KIF24: variants seen among roughly 807,000 people sequenced by gnomAD.
KIF24 encodes the protein kinesin-like protein KIF24.
KIF24 carries 81 observed loss-of-function variants against 118.9 expected under a neutral mutation model. That is an observed-to-expected ratio of 0.68 (90% CI 0.57 to 0.82). The LOEUF (loss-of-function observed/expected upper bound fraction) is 0.82, where lower values mean the gene tolerates loss of function less well. Among genes scored for constraint, KIF24 ranks in the 40% least tolerant of loss-of-function variants. The pLI, the probability that KIF24 is intolerant of heterozygous loss-of-function variation, is 0.00. For synonymous variants in KIF24, 599 were observed against 610.0 expected (o/e 0.98, Z 0.27); for missense variants, 1,560 against 1,661.6 (o/e 0.94, Z 1.06).
chr9:34,255,213 C>A, intron 11 of KIF24, 48 bp from the exon 12 acceptor site: 1 of 1,169,564 alleles, frequency 8.6e-7, no homozygotes, highest in Non-Finnish European at 1.2e-6. Context: ...CTCCCAGCCT[C>A]TCCTGGGTAG....
In KIF24 at chr9:34,271,782, T is replaced by A. The variant is rs777050493; in HGVS notation, c.1337+27A>T. On this transcript the variant is annotated intron_variant, in intron 7 of 12. Transcript: ENST00000402558. The stretch of plus-strand genomic sequence containing the variant: ...GTCACATTAAAGGAAAGGCAGACAA[T>A]GTAACTCCCTGATATTTCCAGCTCA... 2.5e-6 allele frequency: 4 copies of A among 1,611,270 alleles called. No individual in the cohort carries two copies. The South Asian group carries it at 4.4e-5, about 18-fold the overall frequency.
Position 34,318,236 on chromosome 9 carries a change from G to C in KIF24, c.-25-6865C>G, listed in dbSNP as rs893588106. ...ATAATGAACATATAGGTAACCCTCA[G>C]CTATAAGTTGTAAAAGTTACATAGA... On this transcript the variant is annotated intron_variant, in intron 1 of 12. Transcript: ENST00000402558. This position sits in a 1 kb window ranked among gnomAD's most constrained non-coding sequence, Gnocchi z 4.9. Among the ~76,000 whole-genome samples, 8 of 152,174 alleles carry C rather than the reference G, an allele frequency of 5.3e-5. No individual in the cohort carries two copies. The highest frequency in any genetic ancestry group is 8.8e-5 in the Non-Finnish European group (6 of 68,032).
chr9:34,322,405 G>A (rs1024861713), intron 1 of KIF24, among the ~76,000 whole-genome samples: 1 of 151,870 alleles, frequency 6.6e-6, no homozygotes, highest in African/African-American at 2.4e-5. Context: ...AGGTCTCAAT[G>A]TTGCCCAGGC....
intron 6 of KIF24, chr9:34,282,431 C>G (rs2380927): frequency 0.7 from 105,811 of 151,842 alleles, 38,896 homozygotes; most frequent in East Asian, 0.92. Flanking sequence ...AAGTTTTCTG[C>G]AATTAGATAG....
Position 34,258,086 on chromosome 9 carries a change from T to C in KIF24, c.1626-105A>G. 4.7e-6 allele frequency: 4 copies of C among 851,560 alleles called. No homozygotes were observed. In the East Asian group the frequency reaches 7.3e-5, roughly 16 times the overall value. The allele number at this position is 851,560 out of a possible 1,614,324, so 52.8% of individuals were successfully genotyped here. A position where few individuals can be genotyped will look rare whatever the true frequency, so the allele number is the denominator to read the frequency against. On this transcript the variant is annotated intron_variant, in intron 10 of 12. Transcript: ENST00000402558. ...AAACCAAAGAAAAGTATTACAAGGA[T>C]TGGGAGTTATTTCTTTATCTGGGAT... is the stretch of plus-strand genomic sequence containing the variant.
At chr9:34,274,998 G>A (rs188667314) in intron 6 of KIF24, among the ~76,000 whole-genome samples, 1 of 152,150 alleles carries the variant, frequency 6.6e-6, no homozygotes, top group Non-Finnish European at 1.5e-5. Flanking sequence ...ACAGAGGCTG[G>A]GAAGGGTAGT....
chr9:34,317,956 G>C (rs1283666254), intron 1 of KIF24, among the ~76,000 whole-genome samples: 1 of 151,978 alleles, frequency 6.6e-6, no homozygotes, highest in East Asian at 1.9e-4. Context: ...CTTGAATAAG[G>C]GGGCATACTA....
rs1836064857 is a variant in KIF24, at chr9:34,286,696, G to A, written c.1136C>T (p.Ala379Val). Residue 379 changes from alanine to valine, a missense_variant, in exon 6 of 13, where the codon GCA becomes GTA. Ala to Val is a moderately conservative substitution (Grantham distance 64, BLOSUM62 0). This residue lies in a region of KIF24 where 964 missense variants were observed against 988.0 expected (regional missense o/e 0.98). Coordinates refer to ENST00000402558, the MANE Select transcript of KIF24 (RefSeq NM_194313.4). Reference sequence around the variant, plus strand: ...CACCATGTGCTTGCTATCTTCTCTTGCAAAGAGCCTGCAGATGCAAGAAAG... The same window carrying A: ...CACCATGTGCTTGCTATCTTCTCTTACAAAGAGCCTGCAGATGCAAGAAAG... ...DLLNRRKRLF[A>V]REDSKHMVQI... 6.2e-7 allele frequency: 1 copy of A among 1,611,536 alleles called. No homozygotes were observed. The highest frequency in any genetic ancestry group is 8.5e-7 in the Non-Finnish European group (1 of 1,178,008).
intron 3 of KIF24, among the ~76,000 whole-genome samples, chr9:34,305,002 A>C (rs1445562709): frequency 6.6e-6 from 1 of 152,210 alleles, no homozygotes; most frequent in Non-Finnish European, 1.5e-5. Context: ...GAGTAAGAGA[A>C]ACTGTGTACT....
At chr9:34,295,948 G>A (rs1472566107) in intron 4 of KIF24, among the ~76,000 whole-genome samples, 2 of 151,982 alleles carry the variant, frequency 1.3e-5, no homozygotes, top group African/African-American at 2.4e-5. Context: ...GGCCGGGCGC[G>A]ATGGCTCACA....
intron 3 of KIF24, among the ~76,000 whole-genome samples, chr9:34,299,811 TGTGTGTGTGTGC>T (rs1432439575): frequency 4.7e-5 from 4 of 85,162 alleles, no homozygotes; most frequent in South Asian, 1.3e-3. Context: ...AAGATGTGTG[TGTGTGTGTGTGC>T]GTGTGTGTGT....
chr9:34,300,850 CAAAAAAAA>C (rs57919845), intron 3 of KIF24, among the ~76,000 whole-genome samples: 4 of 105,672 alleles, frequency 3.8e-5, no homozygotes, highest in Admixed American at 1.1e-4. Flanking sequence ...CGGCATTTCT[CAAAAAAAA>C]AAAAAAAAAA....
chr9:34,316,280 G>A (rs1837325672), intron 1 of KIF24, among the ~76,000 whole-genome samples: 1 of 151,864 alleles, frequency 6.6e-6, no homozygotes, highest in African/African-American at 2.4e-5. Flanking sequence ...GGTGGAGGGT[G>A]CAGTAAGCCG....
intron 9 of KIF24, among the ~76,000 whole-genome samples, chr9:34,262,671 AAAAAATATATAT>A (rs1835120317): frequency 2.9e-5 from 1 of 33,990 alleles, no homozygotes; most frequent in African/African-American, 1.1e-4. Flanking sequence ...AAAAAAAAAA[AAAAAATATATAT>A]ATATATATAT....
intron 8 of KIF24, 44 bp downstream of exon 8, chr9:34,269,213 T>G: frequency 8.6e-7 from 1 of 1,162,914 alleles, no homozygotes; most frequent in South Asian, 1.3e-5. Flanking sequence ...TAATGGGCAG[T>G]CTTTCAAGAA....
intron 8 of KIF24, 74 bp downstream of exon 8, chr9:34,269,183 T>G (rs1326466675): frequency 2.5e-6 from 2 of 792,996 alleles, no homozygotes; most frequent in East Asian, 5.5e-5. Context: ...CATCCCACAT[T>G]CATCCACTCT....
chr9:34,294,249 G>A (rs960869262), intron 4 of KIF24, among the ~76,000 whole-genome samples: 18 of 152,194 alleles, frequency 1.2e-4, no homozygotes, highest in African/African-American at 4.1e-4. Flanking sequence ...CACTGTGCCC[G>A]ACTGACACTT....
rs1480164674 is a variant in KIF24 at position 34,252,755 on chromosome 9, C to T, written c.*1625G>A. 3 of 152,134 alleles carry T rather than the reference C, an allele frequency of 2.0e-5. No individual in the cohort carries two copies. The highest frequency in any genetic ancestry group is 1.9e-4 in the East Asian group (1 of 5,188). The allele number at this position is 152,134 out of a possible 1,614,324, so 9.4% of individuals were successfully genotyped here. A position where few individuals can be genotyped will look rare whatever the true frequency, so the allele number is the denominator to read the frequency against. ...CCCAGCTCCGTCTGTGGACCAAGGA[C>T]GTAGGCCTTCCTGACTGTGGAGTTG... On this transcript the variant is annotated 3_prime_UTR_variant, in exon 13 of 13. Coordinates refer to ENST00000402558, the MANE Select transcript of KIF24 (RefSeq NM_194313.4).
In KIF24 at chr9:34,318,195, T is replaced by TA. The variant is rs61453973; in HGVS notation, c.-25-6825dup. On this transcript the variant is annotated intron_variant, in intron 1 of 12. Coordinates refer to ENST00000402558, the MANE Select transcript of KIF24 (RefSeq NM_194313.4). The surrounding 1 kb of genome is among the most constrained non-coding windows in gnomAD (Gnocchi z 4.9). ...GGGCAACATAGTGAGACCCCGCCCC[T>TA]AAAAAAAAGACATGAATAATGAACA... Among the ~76,000 whole-genome samples, 2 of 151,406 alleles carry TA rather than the reference T, an allele frequency of 1.3e-5. No homozygotes were observed. The highest frequency in any genetic ancestry group is 2.9e-5 in the Non-Finnish European group (2 of 67,800).
Sources: gnomAD v4.1 joint callset for allele counts (sites outside exome capture counted in the v4.1 genomes callset) on GRCh38, gnomAD v4.1.1 for gene constraint, gnomAD v4.1.1 regional missense constraint, Gnocchi (gnomAD v3.1) non-coding constraint, MANE v1.5 for transcripts, NCBI Gene and HGNC (gene_info 2026-07-23, HGNC 2026-07-21) for gene names.